Variants in SLC39A11 observed in about 807,000 individuals in gnomAD.
SLC39A11 encodes the protein zinc transporter ZIP11.
SLC39A11 carries 33 observed loss-of-function variants against 36.1 expected under a neutral mutation model. The ratio of observed to expected loss-of-function variants is 0.91; its 90% CI spans 0.69 to 1.22. SLC39A11 has a LOEUF of 1.22. Ranked by LOEUF, SLC39A11 falls within the 50% of genes most tolerant of loss-of-function variation. The probability of loss-of-function intolerance (pLI) is 0.00; values close to 1 mark genes in which losing one functional copy is unlikely to be tolerated. For synonymous variants in SLC39A11, 166 were observed against 170.3 expected, an observed-to-expected ratio of 0.97 and a Z score of 0.20; for missense variants, 432 against 430.3, an observed-to-expected ratio of 1.00 and a Z score of -0.03.
At chr17:72,825,055 A>G (rs908032093) in intron 6 of SLC39A11, among the ~76,000 whole-genome samples, 1 of 151,482 alleles carries the variant, frequency 6.6e-6, no homozygotes, top group African/African-American at 2.4e-5. Context: ...GAATGTTAAT[A>G]GCCAAGACAA....
intron 4 of SLC39A11, among the ~76,000 whole-genome samples, chr17:72,948,794 T>C (rs1226739388): frequency 6.6e-6 from 1 of 152,216 alleles, no homozygotes; most frequent in African/African-American, 2.4e-5. Context: ...GCCAACTCTG[T>C]GTATATTTAG....
chr17:72,959,871 T>C (rs1263916233), intron 4 of SLC39A11, among the ~76,000 whole-genome samples: 1 of 152,086 alleles, frequency 6.6e-6, no homozygotes, highest in African/African-American at 2.4e-5. Flanking sequence ...ATGGACAAAA[T>C]CTCCTTAATT....
intron 5 of SLC39A11, among the ~76,000 whole-genome samples, chr17:72,890,111 A>G (rs1481336392): frequency 3.3e-5 from 5 of 152,034 alleles, no homozygotes; most frequent in Non-Finnish European, 5.9e-5. Context: ...AATACAAAAA[A>G]AAAATTAGCT....
At chr17:72,961,204 A>G (rs972949423) in intron 4 of SLC39A11, among the ~76,000 whole-genome samples, 4 of 152,214 alleles carry the variant, frequency 2.6e-5, no homozygotes, top group Admixed American at 6.5e-5. Context: ...CTATTCTCAC[A>G]TCAGTTAGAA....
chr17:73,034,661 G>A (rs949917260), intron 3 of SLC39A11, among the ~76,000 whole-genome samples: 7 of 152,064 alleles, frequency 4.6e-5, no homozygotes, highest in Admixed American at 6.6e-5. Flanking sequence ...CCTGCACTCC[G>A]ATGAAAAAAC....
intron 7 of SLC39A11, among the ~76,000 whole-genome samples, chr17:72,689,664 T>C (rs1383231910): frequency 6.6e-6 from 1 of 152,100 alleles, no homozygotes; most frequent in Non-Finnish European, 1.5e-5. Flanking sequence ...CTCAAAAACA[T>C]CCATGCTAAG....
rs1271434359 is a variant in SLC39A11 at position 72,861,782 on chromosome 17, A to ATATATATC, written c.431-11979_431-11978insGATATATA. Among the ~76,000 whole-genome samples, 123 of 91,470 alleles carry ATATATATC rather than the reference A, an allele frequency of 1.3e-3. 3 individuals carry two copies. Among genetic ancestry groups the ATATATATC allele is most frequent in the Non-Finnish European group, 1.7e-3 (75 of 44,716 alleles). 60.0% of individuals were successfully genotyped at this position (91,470 alleles called of 152,430 possible). A position where few individuals can be genotyped will look rare whatever the true frequency, so the allele number is the denominator to read the frequency against. On this transcript the variant is annotated intron_variant, in intron 5 of 9. Coordinates refer to ENST00000255559, the MANE Select transcript of SLC39A11 (RefSeq NM_139177.4). Reference sequence around the variant, plus strand: ...TATATATATATATATATATATATATATCCAATGCTATTTCATTAAGCCATT... The same window carrying ATATATATC: ...TATATATATATATATATATATATATATATATATCTCCAATGCTATTTCATTAAGCCATT...
intron 7 of SLC39A11, among the ~76,000 whole-genome samples, chr17:72,700,437 A>G (rs2072554300): frequency 1.3e-5 from 2 of 152,242 alleles, no homozygotes. Flanking sequence ...AACAGCCAAC[A>G]TCTGGATGTA....
At chr17:73,020,330 G>A (rs1023918636) in intron 4 of SLC39A11, among the ~76,000 whole-genome samples, 3 of 152,196 alleles carry the variant, frequency 2.0e-5, no homozygotes, top group Non-Finnish European at 4.4e-5. Context: ...AGACATCAGA[G>A]AGCTCGCCCT....
intron 5 of SLC39A11, among the ~76,000 whole-genome samples, chr17:72,877,216 G>A (rs544995075): frequency 2.0e-5 from 3 of 152,348 alleles, no homozygotes; most frequent in Non-Finnish European, 4.4e-5. Context: ...TGTGTTAGGT[G>A]TGTGCTTTGG....
chr17:72,919,872 G>A (rs140901397), intron 5 of SLC39A11, among the ~76,000 whole-genome samples: 2 of 152,122 alleles, frequency 1.3e-5, no homozygotes. Flanking sequence ...ATTCACTTTC[G>A]GAGAGCCGGG....
chr17:72,899,526 C>T (rs910901346), intron 5 of SLC39A11, among the ~76,000 whole-genome samples: 3 of 152,196 alleles, frequency 2.0e-5, no homozygotes, highest in Non-Finnish European at 4.4e-5. Context: ...ATTACTCTAA[C>T]ACCACAATTC....
chr17:72,768,830 G>A (rs1363978834), intron 6 of SLC39A11, among the ~76,000 whole-genome samples: 7 of 151,192 alleles, frequency 4.6e-5, no homozygotes, highest in East Asian at 2.0e-4. Flanking sequence ...GTGTGATCTC[G>A]GCTCACTGCA....
At chr17:72,669,964 G>A (rs184895417) in intron 7 of SLC39A11, among the ~76,000 whole-genome samples, 9 of 141,070 alleles carry the variant, frequency 6.4e-5, no homozygotes, top group East Asian at 4.3e-4. Context: ...ATATATATAC[G>A]TATAGATGTA....
intron 6 of SLC39A11, among the ~76,000 whole-genome samples, chr17:72,847,362 A>G (rs1807801): frequency 6.6e-6 from 1 of 151,490 alleles, no homozygotes; most frequent in Non-Finnish European, 1.5e-5. Context: ...AGACTGCACC[A>G]CTGCACTCCA....
At position 72,755,330 on chromosome 17, in the gene SLC39A11, C is replaced by T. The variant is rs1169638834; in HGVS notation, c.602-18611G>A. On this transcript the variant is annotated intron_variant, in intron 6 of 9. Coordinates refer to ENST00000255559, the MANE Select transcript of SLC39A11 (RefSeq NM_139177.4). ...GGGCAACGAAATCAGGAGGCGAAGG[C>T]CATATAGCAATGGAGGGACTGGGCA... Among the ~76,000 whole-genome samples the T allele has an allele frequency of 2.0e-5, 3 of 152,232 alleles. No homozygotes were observed. In the East Asian group the frequency reaches 5.8e-4, roughly 29 times the overall value.
At chr17:72,895,580 CAAA>C (rs112611912) in intron 5 of SLC39A11, among the ~76,000 whole-genome samples, 1 of 124,564 alleles carries the variant, frequency 8.0e-6, no homozygotes. Flanking sequence ...AACTCTGTCT[CAAA>C]AAAAAAAAAA....
At chr17:72,729,457 A>G (rs112657251) in intron 7 of SLC39A11, among the ~76,000 whole-genome samples, 1 of 7,242 alleles carries the variant, frequency 1.4e-4, no homozygotes, top group African/African-American at 3.4e-4. Context: ...ATATATATAT[A>G]TTTTTTTTTT....
At chr17:72,974,901 G>A (rs1225684277) in intron 4 of SLC39A11, among the ~76,000 whole-genome samples, 1 of 152,108 alleles carries the variant, frequency 6.6e-6, no homozygotes, top group East Asian at 1.9e-4. Flanking sequence ...TTGTCATTGT[G>A]TTACAGTTGT....
Sources: gnomAD v4.1 joint callset for allele counts (sites outside exome capture counted in the v4.1 genomes callset) on GRCh38, gnomAD v4.1.1 for gene constraint, MANE v1.5 for transcripts, NCBI Gene and HGNC (gene_info 2026-07-23, HGNC 2026-07-21) for gene names.